METTL16: variants seen among roughly 807,000 people sequenced by gnomAD.
METTL16 encodes the protein methyltransferase 16, RNA N6-adenosine.
Under a neutral mutation model 57.9 loss-of-function variants are expected in METTL16, and 19 were observed. The observed-to-expected ratio is 0.33, with a 90% CI of 0.23 to 0.48. The LOEUF (loss-of-function observed/expected upper bound fraction) is 0.48, where lower values mean the gene tolerates loss of function less well. Among genes scored for constraint, METTL16 ranks in the 20% least tolerant of loss-of-function variants. The pLI is 0.99. For synonymous variants in METTL16, 246 were observed against 255.6 expected (o/e 0.96, Z 0.36); for missense variants, 434 against 691.5 (o/e 0.63, Z 4.18).
chr17:2,456,297 G>A (rs1364081732), intron 6 of METTL16, among the ~76,000 whole-genome samples: 1 of 152,054 alleles, frequency 6.6e-6, no homozygotes, highest in African/African-American at 2.4e-5. Flanking sequence ...ACCCTACTTT[G>A]GGTCCCAGTC....
intron 7 of METTL16, among the ~76,000 whole-genome samples, chr17:2,439,903 A>C (rs939056174): frequency 2.0e-5 from 3 of 152,218 alleles, no homozygotes; most frequent in African/African-American, 4.8e-5. Context: ...CAGAGTAGAC[A>C]CAGGTCAGGT....
intron 2 of METTL16, among the ~76,000 whole-genome samples, chr17:2,493,663 G>A (rs185465327): frequency 2.4e-4 from 36 of 149,860 alleles, no homozygotes; most frequent in African/African-American, 8.6e-4. Flanking sequence ...AGGTTGCAGT[G>A]AGCCGAGATT....
chr17:2,428,564 A>AAAATATAT (rs2066840100), intron 8 of METTL16, among the ~76,000 whole-genome samples: 1 of 31,336 alleles, frequency 3.2e-5, no homozygotes, highest in Non-Finnish European at 5.0e-5. Flanking sequence ...AAAAAAAAAA[A>AAAATATAT]ATATATATAT....
At chr17:2,478,424 A>G (rs536592905) in intron 2 of METTL16, among the ~76,000 whole-genome samples, 2 of 152,362 alleles carry the variant, frequency 1.3e-5, no homozygotes, top group East Asian at 3.9e-4. Context: ...TGAACACAGG[A>G]TAAGATACTT....
At chr17:2,448,802 T>TAA (rs71150866) in intron 6 of METTL16, among the ~76,000 whole-genome samples, 714 of 43,572 alleles carry the variant, frequency 0.016, 17 homozygotes, top group East Asian at 0.034. Context: ...AAATAAAATT[T>TAA]AAAAAAAAAA....
chr17:2,447,295 G>C (rs569419778), intron 6 of METTL16, among the ~76,000 whole-genome samples: 64 of 144,948 alleles, frequency 4.4e-4, no homozygotes, highest in African/African-American at 1.5e-3. Flanking sequence ...GGTGAGGAGC[G>C]TCTCTGCCCG....
chr17:2,477,979 G>T, intron 2 of METTL16, 94 bp from the exon 3 acceptor site: 1 of 984,554 alleles, frequency 1.0e-6, no homozygotes, highest in Non-Finnish European at 1.6e-6. Flanking sequence ...ATACCCATCC[G>T]AACCTCCCAG....
intron 6 of METTL16, among the ~76,000 whole-genome samples, chr17:2,455,540 G>C (rs570212832): frequency 1.3e-5 from 2 of 152,258 alleles, no homozygotes; most frequent in East Asian, 3.9e-4. Context: ...TCACCGTGGC[G>C]CAAGCTGCTG....
chr17:2,451,874 G>T (rs2067073055), intron 6 of METTL16, among the ~76,000 whole-genome samples: 1 of 151,904 alleles, frequency 6.6e-6, no homozygotes, highest in Non-Finnish European at 1.5e-5. Flanking sequence ...GGCTTGGCGT[G>T]GTGGCTCACA....
At chr17:2,471,128 A>T (rs1359648885) in intron 4 of METTL16, among the ~76,000 whole-genome samples, 1 of 152,204 alleles carries the variant, frequency 6.6e-6, no homozygotes, top group Non-Finnish European at 1.5e-5. Context: ...CCCTCACAAA[A>T]TTTAACTCAA....
Position 2,441,942 on chromosome 17 carries a change from G to C in METTL16, c.729-383C>G, listed in dbSNP as rs1266118471. Among the ~76,000 whole-genome samples, 6 of 152,170 alleles carry C rather than the reference G, an allele frequency of 3.9e-5. No homozygotes were observed. In the East Asian group the frequency reaches 1.2e-3, roughly 29 times the overall value. Reference sequence around the variant, plus strand: ...ATAATACTAAGAGAACTCAAGATTAGATCCAGCATGAACCTGTATTGTGAG... The same window carrying C: ...ATAATACTAAGAGAACTCAAGATTACATCCAGCATGAACCTGTATTGTGAG... On this transcript the variant is annotated intron_variant, in intron 6 of 9. Transcript: ENST00000263092.
intron 2 of METTL16, among the ~76,000 whole-genome samples, chr17:2,499,542 G>A (rs754771047): frequency 1.3e-5 from 2 of 152,012 alleles, no homozygotes; most frequent in Non-Finnish European, 2.9e-5. Context: ...TACAAACAAT[G>A]AGAGAGATGT....
At chr17:2,471,903 C>T (rs148290573) in intron 4 of METTL16, among the ~76,000 whole-genome samples, 1,622 of 152,122 alleles carry the variant, frequency 0.011, 26 homozygotes, top group African/African-American at 0.036. Context: ...CACTTGAGGA[C>T]AGGAGTTTGA....
rs146380334 is a variant in METTL16 at position 2,420,541 on chromosome 17, G to A, written c.1118C>T (p.Ala373Val). The change falls in exon 10 of 10, where the codon GCC (alanine) becomes GTC (valine). Residue 373 changes from alanine to valine, a missense_variant. Physicochemically the swap from Ala to Val is moderately conservative, Grantham distance 64. This residue lies in a region of METTL16 where 26 missense variants were observed against 63.0 expected (regional missense o/e 0.41). Transcript: ENST00000263092. This position sits in a 1 kb window ranked among gnomAD's most constrained non-coding sequence, Gnocchi z 5.4. ...GKEEVSLFLT[A>V]IENSWIHLRR... ...TAAATGAATCCAGGAGTTTTCTATG[G>A]CCGTTAGGAAAAGGCTGACTTCCTC... 4 of 1,613,514 alleles carry A rather than the reference G, an allele frequency of 2.5e-6. No individual in the cohort carries two copies. Among genetic ancestry groups the A allele is most frequent in the East Asian group, 2.2e-5 (1 of 44,880 alleles).
At chr17:2,476,881 G>A (rs922878862) in intron 3 of METTL16, among the ~76,000 whole-genome samples, 5 of 151,936 alleles carry the variant, frequency 3.3e-5, no homozygotes, top group African/African-American at 4.8e-5. Context: ...GCTTGAACCC[G>A]GGAGGCGGAG....
At chr17:2,466,050 G>A (rs542792584) in intron 5 of METTL16, among the ~76,000 whole-genome samples, 23 of 151,442 alleles carry the variant, frequency 1.5e-4, no homozygotes, top group African/African-American at 2.7e-4. Context: ...AAAATTAGCC[G>A]GGCGTGGAGG....
intron 4 of METTL16, among the ~76,000 whole-genome samples, chr17:2,471,682 G>A (rs149211846): frequency 0.026 from 4,009 of 152,006 alleles, 165 homozygotes; most frequent in African/African-American, 0.09. Context: ...CCAGCTACTC[G>A]GGAGGTGAGG....
intron 2 of METTL16, among the ~76,000 whole-genome samples, chr17:2,481,242 AC>A (rs565028208): frequency 4.8e-4 from 73 of 151,794 alleles, no homozygotes; most frequent in African/African-American, 1.6e-3. Context: ...AAAAAAAAAA[AC>A]CCAGGATATT....
At chr17:2,495,180 A>T (rs944191069) in intron 2 of METTL16, among the ~76,000 whole-genome samples, 5 of 151,526 alleles carry the variant, frequency 3.3e-5, no homozygotes, top group African/African-American at 1.2e-4. Flanking sequence ...CAACGACAAA[A>T]AATTAGCTGG....
Sources: allele counts gnomAD v4.1 joint callset (sites outside exome capture counted in the v4.1 genomes callset), GRCh38; gene constraint gnomAD v4.1.1; regional missense constraint gnomAD v4.1.1; non-coding constraint Gnocchi (gnomAD v3.1); transcripts MANE v1.5; gene names NCBI Gene and HGNC (gene_info 2026-07-23, HGNC 2026-07-21).